JARID2: variants seen among roughly 807,000 people sequenced by gnomAD.
JARID2 encodes jumonji and AT-rich interaction domain containing 2.
A neutral mutation model predicts 125.6 loss-of-function variants in JARID2; 21 were observed. The ratio of observed to expected loss-of-function variants is 0.17; its 90% CI spans 0.12 to 0.24. The LOEUF (loss-of-function observed/expected upper bound fraction) is 0.24, where lower values mean the gene tolerates loss of function less well. Among genes scored for constraint, JARID2 ranks in the 10% least tolerant of loss-of-function variants. The probability of loss-of-function intolerance (pLI) is 1.00; values close to 1 mark genes in which losing one functional copy is unlikely to be tolerated. For missense variants in JARID2, 1,303 were observed against 1,639.6 expected (o/e 0.79, Z 3.55); for synonymous variants, 736 against 661.6 (o/e 1.11, Z -1.73).
At chr6:15,267,571 T>A (rs1307261435) in intron 1 of JARID2, among the ~76,000 whole-genome samples, 1 of 152,126 alleles carries the variant, frequency 6.6e-6, no homozygotes, top group African/African-American at 2.4e-5. Context: ...GTAAGCTGGT[T>A]CTAGTGAATT....
At chr6:15,444,735 ATTTTTTTT>A (rs5874512) in intron 3 of JARID2, among the ~76,000 whole-genome samples, 62 of 91,926 alleles carry the variant, frequency 6.7e-4, no homozygotes, top group East Asian at 1.9e-3. Flanking sequence ...GAACTGTCTG[ATTTTTTTT>A]TTTTTTTTTT....
At position 15,432,078 on chromosome 6, in the gene JARID2, T is replaced by C. The variant is rs117242376; in HGVS notation, c.324-19928T>C. ...GGTTCTTGGCGTTTTGAACAAAGAA[T>C]TGGACAAAACACACAAAGCAATGAA... On this transcript the variant is annotated intron_variant, in intron 3 of 17. Coordinates refer to ENST00000341776, the MANE Select transcript of JARID2 (RefSeq NM_004973.4). Among the ~76,000 whole-genome samples the C allele has an allele frequency of 1.8e-3, 279 of 151,400 alleles. 3 individuals are homozygous for C. The East Asian group carries it at 0.047, about 26-fold the overall frequency.
At chr6:15,391,378 G>A (rs565204593) in intron 2 of JARID2, among the ~76,000 whole-genome samples, 1 of 152,276 alleles carries the variant, frequency 6.6e-6, no homozygotes, top group East Asian at 1.9e-4. Context: ...TCTCTGAGGA[G>A]CCCTAGCAGA....
intron 1 of JARID2, among the ~76,000 whole-genome samples, chr6:15,281,965 T>TGTGTGTGTGTG (rs1554118830): frequency 1.4e-5 from 2 of 140,372 alleles, no homozygotes; most frequent in African/African-American, 5.3e-5. Flanking sequence ...TGTGTGTGTG[T>TGTGTGTGTGTG]TTGAGACAGA....
intron 1 of JARID2, among the ~76,000 whole-genome samples, chr6:15,327,974 A>G (rs1414561542): frequency 6.6e-6 from 1 of 152,140 alleles, no homozygotes; most frequent in African/African-American, 2.4e-5. Context: ...GTTTGTTTTC[A>G]GAGAACCCCT....
intron 5 of JARID2, among the ~76,000 whole-genome samples, chr6:15,477,250 T>G (rs551367707): frequency 3.3e-5 from 5 of 152,174 alleles, no homozygotes; most frequent in Non-Finnish European, 7.3e-5. Context: ...TGGTTGCCTT[T>G]GAGGGGCATT....
chr6:15,482,739 A>G (rs1170482890), intron 5 of JARID2, among the ~76,000 whole-genome samples: 2 of 152,218 alleles, frequency 1.3e-5, no homozygotes, highest in Non-Finnish European at 2.9e-5. Context: ...AGTAGGCTCT[A>G]CTGGTAGTTT....
intron 5 of JARID2, among the ~76,000 whole-genome samples, chr6:15,473,674 A>C (rs1465653278): frequency 1.3e-5 from 2 of 152,244 alleles, no homozygotes; most frequent in East Asian, 3.9e-4. Flanking sequence ...CTTTGTAGGC[A>C]TCCGAGTACC....
intron 1 of JARID2, chr6:15,314,926 C>G (rs2127432300): frequency 6.6e-6 from 1 of 152,260 alleles, no homozygotes; most frequent in South Asian, 2.1e-4. Flanking sequence ...AAGAGTGATC[C>G]TTTCAGCAGC....
At chr6:15,465,465 C>G (rs999420090) in intron 4 of JARID2, among the ~76,000 whole-genome samples, 1 of 151,520 alleles carries the variant, frequency 6.6e-6, no homozygotes, top group African/African-American at 2.4e-5. Context: ...AATATCTTAT[C>G]CTTTGTAGAT....
intron 3 of JARID2, among the ~76,000 whole-genome samples, chr6:15,432,491 G>C (rs754577976): frequency 1.3e-5 from 2 of 152,126 alleles, no homozygotes; most frequent in East Asian, 3.9e-4. Flanking sequence ...AGAAAAGTAC[G>C]CTCCACAGAC....
intron 1 of JARID2, among the ~76,000 whole-genome samples, chr6:15,315,880 C>T (rs888652192): frequency 6.6e-6 from 1 of 152,268 alleles, no homozygotes; most frequent in Middle Eastern, 3.4e-3. Flanking sequence ...ATGAGTTTCT[C>T]AGGGCTCCCA....
chr6:15,490,624 G>A (rs1173824052), intron 6 of JARID2, among the ~76,000 whole-genome samples: 1 of 152,244 alleles, frequency 6.6e-6, no homozygotes, highest in Non-Finnish European at 1.5e-5. Context: ...ACATTGCATT[G>A]TCATGGGGCT....
At chr6:15,457,601 C>CTT (rs35659046) in intron 4 of JARID2, among the ~76,000 whole-genome samples, 67 of 127,102 alleles carry the variant, frequency 5.3e-4, no homozygotes, top group African/African-American at 1.4e-3. Flanking sequence ...GGATCCAGGT[C>CTT]TTTTTTTTTT....
intron 2 of JARID2, among the ~76,000 whole-genome samples, chr6:15,405,945 G>A (rs1765631178): frequency 6.6e-6 from 1 of 152,210 alleles, no homozygotes; most frequent in Admixed American, 6.5e-5. Context: ...GTGGTAGCCA[G>A]TACAGTGGAG....
intron 2 of JARID2, among the ~76,000 whole-genome samples, chr6:15,408,018 C>T (rs1299945659): frequency 2.0e-5 from 3 of 152,146 alleles, no homozygotes; most frequent in Admixed American, 6.6e-5. Context: ...AATCCCAGCA[C>T]TTTGGGAGGC....
intron 3 of JARID2, among the ~76,000 whole-genome samples, chr6:15,412,882 C>CT (rs1267344428): frequency 2.0e-5 from 3 of 151,948 alleles, no homozygotes; most frequent in Non-Finnish European, 2.9e-5. Flanking sequence ...GAAGTTGAGC[C>CT]TAAAGTAACT....
intron 1 of JARID2, among the ~76,000 whole-genome samples, chr6:15,330,831 C>T (rs1762681769): frequency 6.6e-6 from 1 of 152,132 alleles, no homozygotes; most frequent in Admixed American, 6.5e-5. Context: ...TATTTTAAGT[C>T]CTCCTTCCAT....
At chr6:15,257,579 A>G (rs1361241252) in intron 1 of JARID2, among the ~76,000 whole-genome samples, 2 of 152,178 alleles carry the variant, frequency 1.3e-5, no homozygotes, top group East Asian at 3.9e-4. Context: ...TGATGCATGC[A>G]GCCTGCTTTG....
Sources: allele counts gnomAD v4.1 joint callset (sites outside exome capture counted in the v4.1 genomes callset), GRCh38; gene constraint gnomAD v4.1.1; transcripts MANE v1.5; gene names NCBI Gene and HGNC (gene_info 2026-07-23, HGNC 2026-07-21).